TXNDC16: variants seen among roughly 807,000 people sequenced by gnomAD.
TXNDC16 encodes the protein thioredoxin domain containing 16.
A neutral mutation model predicts 85.6 loss-of-function variants in TXNDC16; 74 were observed. The observed-to-expected ratio is 0.86, with a 90% confidence interval of 0.72 to 1.05. The LOEUF is 1.05. TXNDC16 is among the 50% of genes least tolerant of loss of function. TXNDC16 has a pLI of 0.00. For missense variants in TXNDC16, 959 were observed against 947.0 expected (o/e 1.01, Z -0.17); for synonymous variants, 335 against 326.5 (o/e 1.03, Z -0.28).
intron 18 of TXNDC16, among the ~76,000 whole-genome samples, chr14:52,452,901 C>T (rs886743921): frequency 6.6e-6 from 1 of 151,952 alleles, no homozygotes; most frequent in African/African-American, 2.4e-5. Context: ...AGAGAGCCCA[C>T]AGAATGGGAG....
At chr14:52,527,554 G>A (rs961934347) in intron 6 of TXNDC16, among the ~76,000 whole-genome samples, 13 of 152,118 alleles carry the variant, frequency 8.5e-5, no homozygotes, top group African/African-American at 3.1e-4. Context: ...TCTTCAGAGA[G>A]GAAGAGTAAG....
In TXNDC16 at chr14:52,548,653, G is replaced by A. The variant is rs572556940; in HGVS notation, c.-182+3663C>T. On this transcript the variant is annotated intron_variant, in intron 1 of 20. Coordinates refer to ENST00000281741, the MANE Select transcript of TXNDC16 (RefSeq NM_020784.3). ...TCCCAGCACTTTGGGAGGCCGAGAC[G>A]GGTGGATCACCTGAGGTCAGGAGTT... is the stretch of plus-strand genomic sequence containing the variant. Among the ~76,000 whole-genome samples the A allele has an allele frequency of 2.6e-5, 4 of 152,134 alleles. No homozygotes were observed. In the South Asian group the frequency reaches 8.3e-4, roughly 32 times the overall value.
chr14:52,515,762 T>C (rs958928113), intron 7 of TXNDC16, among the ~76,000 whole-genome samples: 4 of 151,546 alleles, frequency 2.6e-5, no homozygotes, highest in African/African-American at 9.7e-5. Flanking sequence ...ATCTGTTGAC[T>C]TCCTACTGTG....
At chr14:52,433,647 G>T (rs756895663) in intron 20 of TXNDC16, among the ~76,000 whole-genome samples, 15 of 152,122 alleles carry the variant, frequency 9.9e-5, no homozygotes, top group Non-Finnish European at 2.1e-4. Flanking sequence ...GCTGTACTTT[G>T]CTTATTGATA....
chr14:52,475,319 G>A (rs939260065), intron 14 of TXNDC16, among the ~76,000 whole-genome samples: 5 of 152,078 alleles, frequency 3.3e-5, no homozygotes, highest in African/African-American at 1.2e-4. Context: ...GAGTCTCCTG[G>A]CCAGAACTCG....
At chr14:52,535,917 G>A (rs113819867) in intron 6 of TXNDC16, among the ~76,000 whole-genome samples, 4,569 of 152,082 alleles carry the variant, frequency 0.03, 88 homozygotes, top group African/African-American at 0.053. Flanking sequence ...CCAGCTACTC[G>A]GGAGGCTGAG....
At chr14:52,447,097 G>A (rs1015633348) in intron 18 of TXNDC16, among the ~76,000 whole-genome samples, 8 of 152,028 alleles carry the variant, frequency 5.3e-5, no homozygotes, top group South Asian at 2.1e-4. Context: ...AACACCAAGC[G>A]GGTTTTGGGG....
At chr14:52,539,742 G>C (rs2140226236) in intron 4 of TXNDC16, among the ~76,000 whole-genome samples, 1 of 152,312 alleles carries the variant, frequency 6.6e-6, no homozygotes, top group East Asian at 1.9e-4. Flanking sequence ...TTACTTATGA[G>C]AGAAAGAAAA....
At chr14:52,499,695 C>T (rs11626983) in intron 9 of TXNDC16, among the ~76,000 whole-genome samples, 75,565 of 151,510 alleles carry the variant, frequency 0.5, 19,547 homozygotes, top group East Asian at 0.7. Flanking sequence ...GTTGGTGAGA[C>T]TGTAAAATGG....
At chr14:52,453,532 T>A (rs973744536) in intron 18 of TXNDC16, among the ~76,000 whole-genome samples, 1 of 152,058 alleles carries the variant, frequency 6.6e-6, no homozygotes, top group African/African-American at 2.4e-5. Flanking sequence ...TTTAACAACA[T>A]GAATGGAACT....
rs139385773 is a variant in TXNDC16 at position 52,444,436 on chromosome 14, T to C, written c.1843-3712A>G. Among the ~76,000 whole-genome samples, 707 of 152,292 alleles carry C rather than the reference T, an allele frequency of 4.6e-3. 5 individuals carry two copies. Among genetic ancestry groups the C allele is most frequent in the African/African-American group, 0.016 (675 of 41,572 alleles). On this transcript the variant is annotated intron_variant, in intron 18 of 20. Transcript: ENST00000281741. ...CAGGTTCATTAAAATAAAAACTTCA[T>C]ACCATAATAAAAAATCTTCACCCTC...
At chr14:52,464,271 C>A (rs1015550083) in intron 16 of TXNDC16, among the ~76,000 whole-genome samples, 1 of 151,992 alleles carries the variant, frequency 6.6e-6, no homozygotes, top group African/African-American at 2.4e-5. Context: ...CGATAGACGG[C>A]AAAAATTTCA....
intron 14 of TXNDC16, among the ~76,000 whole-genome samples, chr14:52,473,354 A>G (rs2035951261): frequency 6.6e-6 from 1 of 152,186 alleles, no homozygotes; most frequent in African/African-American, 2.4e-5. Context: ...GCTTGTTTAT[A>G]CAAAGTGCCA....
rs1490236177 is a variant in TXNDC16, at chr14:52,530,622, T to TGC, written c.392+6096_392+6097insGC. 4.5e-4 allele frequency among the ~76,000 whole-genome samples: 42 copies of TGC among 93,438 alleles called. 3 individuals carry two copies. Among genetic ancestry groups the TGC allele is most frequent in the African/African-American group, 1.7e-3 (42 of 24,460 alleles). 61.3% of individuals were successfully genotyped at this position (93,438 alleles called of 152,430 possible). On this transcript the variant is annotated intron_variant, in intron 6 of 20. Transcript: ENST00000281741. ...ATAATATGTAGTATATATATGTGTG[T>TGC]GTATATACATATATATAAAAAATAC...
At position 52,520,528 on chromosome 14, in the gene TXNDC16, T is replaced by C. The variant is rs143861160; in HGVS notation, c.393-1235A>G. Among the ~76,000 whole-genome samples the C allele has an allele frequency of 6.8e-3, 1,028 of 152,248 alleles. 15 individuals are homozygous for C. The highest frequency in any genetic ancestry group is 0.023 in the African/African-American group (972 of 41,542). ...GGGAGGCTGAGGCAGGAGAATGGCA[T>C]GAACCCGGGAGGAGGAGTTTGCAGT... On this transcript the variant is annotated intron_variant, in intron 6 of 20. Transcript: ENST00000281741.
At position 52,498,208 on chromosome 14, in the gene TXNDC16, A is replaced by T. The variant is rs144630900; in HGVS notation, c.757-7203T>A. Among the ~76,000 whole-genome samples the T allele has an allele frequency of 5.9e-5, 9 of 152,286 alleles. 1 individual carries two copies. In the East Asian group the frequency reaches 1.7e-3, roughly 29 times the overall value. On this transcript the variant is annotated intron_variant, in intron 9 of 20. Transcript: ENST00000281741. ...CAATATCATATTCAATGGTTAAAAA[A>T]CTGTGAACTTTCCCTCTAAGACCAT...
chr14:52,493,249 C>G (rs908935380), intron 9 of TXNDC16, among the ~76,000 whole-genome samples: 14 of 141,654 alleles, frequency 9.9e-5, no homozygotes, highest in South Asian at 6.5e-4. Flanking sequence ...TTAAAAGTCA[C>G]CAAGTCCCAC....
At chr14:52,548,956 A>G (rs1028093059) in intron 1 of TXNDC16, among the ~76,000 whole-genome samples, 1 of 152,226 alleles carries the variant, frequency 6.6e-6, no homozygotes, top group African/African-American at 2.4e-5. Context: ...AACCCAGTCT[A>G]GCACTATTAG....
intron 1 of TXNDC16, among the ~76,000 whole-genome samples, chr14:52,547,437 T>C (rs1372941835): frequency 2.6e-5 from 4 of 152,250 alleles, no homozygotes; most frequent in African/African-American, 9.6e-5. Flanking sequence ...TTTATATTTG[T>C]TGAATCTAAT....
Sources: gnomAD v4.1 joint callset for allele counts (sites outside exome capture counted in the v4.1 genomes callset) on GRCh38, gnomAD v4.1.1 for gene constraint, MANE v1.5 for transcripts, NCBI Gene and HGNC (gene_info 2026-07-23, HGNC 2026-07-21) for gene names.